LRBA: variants seen among roughly 807,000 people sequenced by gnomAD.
LRBA encodes the protein lipopolysaccharide-responsive and beige-like anchor protein.
A neutral mutation model predicts 330.0 loss-of-function variants in LRBA; 176 were observed. That is an observed-to-expected ratio of 0.53 (90% CI 0.47 to 0.60). LRBA has a LOEUF of 0.60. Ranked by LOEUF, LRBA falls within the 20% of genes least tolerant of loss-of-function variation. The pLI, the probability that LRBA is intolerant of heterozygous loss-of-function variation, is 0.00. For synonymous variants in LRBA, 1,230 were observed against 1,193.0 expected, an observed-to-expected ratio of 1.03 and a Z score of -0.64; for missense variants, 3,259 against 3,444.8, an observed-to-expected ratio of 0.95 and a Z score of 1.35.
rs769872660 is a variant in LRBA, at chr4:150,282,666, A to C, written c.8120-20T>G. ...GTCCTTCTGAGAAGAGAGGAGAAAT[A>C]AAAGGCAAAATTATTGAATGAAAAC... On this transcript the variant is annotated intron_variant, in intron 54 of 56. Transcript: ENST00000651943. The C allele has an allele frequency of 6.5e-7, 1 of 1,535,970 alleles. No homozygotes were observed. Among genetic ancestry groups the C allele is most frequent in the South Asian group, 1.2e-5 (1 of 86,556 alleles).
At chr4:150,761,701 G>T in intron 35 of LRBA, 82 bp downstream of exon 35, 1 of 802,036 alleles carries the variant, frequency 1.2e-6, no homozygotes, top group South Asian at 1.7e-5. Flanking sequence ...AGTAAATACA[G>T]AACCCAAAAA....
At chr4:151,007,674 G>A (rs945735274) in intron 2 of LRBA, among the ~76,000 whole-genome samples, 1 of 151,014 alleles carries the variant, frequency 6.6e-6, no homozygotes, top group Non-Finnish European at 1.5e-5. Context: ...TGGCTAACAC[G>A]GTGAAACCAC....
intron 40 of LRBA, among the ~76,000 whole-genome samples, chr4:150,548,645 T>G (rs1229565927): frequency 6.6e-6 from 1 of 152,194 alleles, no homozygotes; most frequent in Non-Finnish European, 1.5e-5. Context: ...AAAAAAAATT[T>G]AAGAAATGCA....
At position 150,553,769 on chromosome 4, in the gene LRBA, G is replaced by A. The variant is rs987085199; in HGVS notation, c.6330+34279C>T. On this transcript the variant is annotated intron_variant, in intron 40 of 56. Transcript: ENST00000651943. ...ACTAGAGAAATTTGTCTCCAAATATGTTGAGTTTGTTTGGGAATGACAAAT... is the reference window on the plus strand; with the variant it reads ...ACTAGAGAAATTTGTCTCCAAATATATTGAGTTTGTTTGGGAATGACAAAT... Among the ~76,000 whole-genome samples, 18 of 152,284 alleles carry A rather than the reference G, an allele frequency of 1.2e-4. No individual in the cohort carries two copies. The East Asian group carries it at 1.9e-3, about 16-fold the overall frequency.
chr4:150,901,043 A>G (rs1730665651), intron 13 of LRBA, among the ~76,000 whole-genome samples: 1 of 152,122 alleles, frequency 6.6e-6, no homozygotes, highest in South Asian at 2.1e-4. Context: ...CACGCCTGTA[A>G]TTTCAGCATG....
chr4:150,468,500 A>G lies in LRBA; in HGVS notation c.6668-715T>C, dbSNP rs541178091. Among the ~76,000 whole-genome samples, 57 of 152,160 alleles carry G rather than the reference A, an allele frequency of 3.7e-4. No individual in the cohort carries two copies. In the East Asian group the frequency reaches 6.4e-3, roughly 17 times the overall value. On this transcript the variant is annotated intron_variant, in intron 43 of 56. Coordinates refer to ENST00000651943, the MANE Select transcript of LRBA (RefSeq NM_001364905.1). ...GCAAAAGAGGAGGTAGTCCTTCTAC[A>G]TATGTACAGCAGTTTTTTGGATATT...
chr4:150,696,259 G>T (rs1003924719), intron 36 of LRBA, among the ~76,000 whole-genome samples: 1 of 152,002 alleles, frequency 6.6e-6, no homozygotes, highest in Non-Finnish European at 1.5e-5. Flanking sequence ...AATAAAAGCA[G>T]TTCAAGAACA....
In LRBA at chr4:150,467,656, C is replaced by T; in HGVS notation, c.6780+17G>A. On this transcript the variant is annotated intron_variant, in intron 44 of 56. Coordinates refer to ENST00000651943, the MANE Select transcript of LRBA (RefSeq NM_001364905.1). ...TATGCAAGACAATTATATTTCACAT[C>T]ATTACTGAGAAATTACCTTGGACAA... The T allele has an allele frequency of 1.5e-6, 2 of 1,364,138 alleles. No individual in the cohort carries two copies. Among genetic ancestry groups the T allele is most frequent in the Non-Finnish European group, 2.1e-6 (2 of 962,862 alleles). The allele number at this position is 1,364,138 out of a possible 1,614,324, so 84.5% of individuals were successfully genotyped here.
intron 5 of LRBA, among the ~76,000 whole-genome samples, chr4:150,919,795 A>G (rs540767235): frequency 2.6e-5 from 4 of 152,234 alleles, no homozygotes; most frequent in Non-Finnish European, 5.9e-5. Flanking sequence ...GTCACTAAAC[A>G]TATTTAAAAC....
chr4:150,593,446 G>A (rs1229966995), intron 38 of LRBA, among the ~76,000 whole-genome samples: 6 of 152,200 alleles, frequency 3.9e-5, no homozygotes, highest in South Asian at 2.1e-4. Flanking sequence ...GTTAACATGC[G>A]TTTGACAATT....
chr4:150,489,582 TA>T, intron 41 of LRBA, among the ~76,000 whole-genome samples: 13 of 70,350 alleles, frequency 1.8e-4, no homozygotes, highest in Non-Finnish European at 3.4e-4. Flanking sequence ...TAAGAATATA[TA>T]ATATATTATA....
intron 2 of LRBA, among the ~76,000 whole-genome samples, chr4:150,962,823 A>G (rs1738298252): frequency 6.8e-6 from 1 of 147,448 alleles, no homozygotes; most frequent in African/African-American, 2.7e-5. Flanking sequence ...GCGTGGTGGC[A>G]TGTGCCTATA....
In LRBA at chr4:150,583,430, C is replaced by T. The variant is rs750430131; in HGVS notation, c.6330+4618G>A. Reference sequence around the variant, plus strand: ...CGTAAGATCCGCTCGCGTTTCCAGACGCTGGTGGCCCAGGCGGTGGACAAG... The same window carrying T: ...CGTAAGATCCGCTCGCGTTTCCAGATGCTGGTGGCCCAGGCGGTGGACAAG... On this transcript the variant is annotated intron_variant, in intron 40 of 56. Coordinates refer to ENST00000651943, the MANE Select transcript of LRBA (RefSeq NM_001364905.1). This position sits in a 1 kb window ranked among gnomAD's most constrained non-coding sequence, Gnocchi z 9.8. The T allele has an allele frequency of 6.2e-7, 1 of 1,613,944 alleles. No homozygotes were observed. The highest frequency in any genetic ancestry group is 8.5e-7 in the Non-Finnish European group (1 of 1,180,046).
rs773969484 is a variant in LRBA, at chr4:150,915,653, C to T, written c.969G>A (p.Glu323=). 3 of 1,612,816 alleles carry T rather than the reference C, an allele frequency of 1.9e-6. No homozygotes were observed. The South Asian group carries it at 3.3e-5, about 18-fold the overall frequency. The change falls in exon 8 of 57, where the codon GAG becomes GAA. Residue 323 remains glutamate, a synonymous_variant. Transcript: ENST00000651943. ...NSELRCYVNG[E]LASYGEITWF... ...ATGTTATCTCTCCATAGGAAGCCAGCTCACCATTCACATAACATCGAAGTT... is the reference window on the plus strand; with the variant it reads ...ATGTTATCTCTCCATAGGAAGCCAGTTCACCATTCACATAACATCGAAGTT...
chr4:150,417,951 A>G (rs1199818638), intron 46 of LRBA, among the ~76,000 whole-genome samples: 2 of 151,610 alleles, frequency 1.3e-5, no homozygotes, highest in Non-Finnish European at 2.9e-5. Flanking sequence ...CATTCAGGTT[A>G]CTCAACAAAT....
At chr4:150,660,484 G>GC (rs1780911118) in intron 37 of LRBA, among the ~76,000 whole-genome samples, 1 of 151,790 alleles carries the variant, frequency 6.6e-6, no homozygotes, top group South Asian at 2.1e-4. Context: ...GAGGTGGGGG[G>GC]GGTCAGCCCC....
intron 49 of LRBA, among the ~76,000 whole-genome samples, chr4:150,323,050 G>A (rs1029169175): frequency 8.2e-6 from 1 of 121,590 alleles, no homozygotes; most frequent in African/African-American, 2.9e-5. Context: ...GTTGATGGGG[G>A]AGCTCATCTG....
rs1452458713 is a variant in LRBA, at chr4:150,985,132, G to A, written c.216+29295C>T. 4.6e-5 allele frequency among the ~76,000 whole-genome samples: 7 copies of A among 151,786 alleles called. No individual in the cohort carries two copies. The East Asian group carries it at 7.8e-4, about 17-fold the overall frequency. On this transcript the variant is annotated intron_variant, in intron 2 of 56. Transcript: ENST00000651943. ...AAATTAACCAGGCATGGTGACAGGC[G>A]CCTGTAATCCCAGCTACTCGAGAAG...
At chr4:150,812,745 G>A (rs1743934891) in intron 31 of LRBA, among the ~76,000 whole-genome samples, 1 of 152,102 alleles carries the variant, frequency 6.6e-6, no homozygotes, top group Non-Finnish European at 1.5e-5. Flanking sequence ...GTAAGTGGTA[G>A]AATTACTAAA....
Sources: allele counts gnomAD v4.1 joint callset (sites outside exome capture counted in the v4.1 genomes callset), GRCh38; gene constraint gnomAD v4.1.1; non-coding constraint Gnocchi (gnomAD v3.1); transcripts MANE v1.5; gene names NCBI Gene and HGNC (gene_info 2026-07-23, HGNC 2026-07-21).